OC90: variants seen among roughly 807,000 people sequenced by gnomAD.
The protein encoded by OC90 is otoconin 90.
Under a neutral mutation model 47.3 loss-of-function variants are expected in OC90, and 46 were observed. The observed-to-expected ratio is 0.97, with a 90% CI of 0.77 to 1.24. OC90 has a LOEUF of 1.24. Among genes scored for constraint, OC90 ranks in the 50% most tolerant of loss-of-function variants. OC90 has a pLI of 0.00. For missense variants in OC90, 688 were observed against 583.9 expected (o/e 1.18, Z -1.84); for synonymous variants, 271 against 219.5 (o/e 1.23, Z -2.07).
chr8:132,058,682 G>T (rs977083118), intron 1 of OC90, among the ~76,000 whole-genome samples: 50 of 152,168 alleles, frequency 3.3e-4, no homozygotes, highest in African/African-American at 1.2e-3. Context: ...GGTTAAATCT[G>T]ATGAGTCTTA....
At chr8:132,025,898 T>C (rs968079772) in intron 13 of OC90, among the ~76,000 whole-genome samples, 16 of 152,288 alleles carry the variant, frequency 1.1e-4, no homozygotes, top group African/African-American at 3.1e-4. Context: ...CCTTGAAAAA[T>C]ATTTCCCAAG....
intron 1 of OC90, among the ~76,000 whole-genome samples, chr8:132,055,590 G>C (rs10093129): frequency 0.13 from 19,103 of 152,214 alleles, 1,993 homozygotes; most frequent in African/African-American, 0.28. Context: ...ACCTTTCAAC[G>C]ATCACTTGAC....
intron 12 of OC90, 100 bp downstream of exon 12, chr8:132,031,781 C>T: frequency 9.8e-7 from 1 of 1,023,210 alleles, no homozygotes; most frequent in Non-Finnish European, 1.4e-6. Flanking sequence ...TTTAGTGAGG[C>T]CCAAGTTTCA....
At chr8:132,049,900 A>G in intron 2 of OC90, 1 of 500,842 alleles carries the variant, frequency 2.0e-6, no homozygotes, top group South Asian at 1.4e-5. Flanking sequence ...TGCCAATTCC[A>G]TTATTTTGAA....
intron 12 of OC90, among the ~76,000 whole-genome samples, chr8:132,031,649 C>G (rs1822876342): frequency 6.6e-6 from 1 of 152,200 alleles, no homozygotes; most frequent in Non-Finnish European, 1.5e-5. Flanking sequence ...ATCTTTCTGG[C>G]TCTGCCTTTT....
At position 132,039,677 on chromosome 8, in the gene OC90, C is replaced by T. The variant is rs148763267; in HGVS notation, c.458-554G>A. Among the ~76,000 whole-genome samples the T allele has an allele frequency of 1.1e-3, 160 of 152,274 alleles. No homozygotes were observed. In the Middle Eastern group the frequency reaches 0.024, roughly 23 times the overall value. On this transcript the variant is annotated intron_variant, in intron 6 of 13. Coordinates refer to ENST00000254627, the MANE Select transcript of OC90 (RefSeq NM_001080399.3). ...AGGCCACATCCTCTTCCACTCCCTC[C>T]TCATCAACCCATTTGTGTCTCACTG...
chr8:132,044,595 A>G (rs1823105019), intron 3 of OC90, 106 bp from the exon 4 acceptor site: 3 of 685,776 alleles, frequency 4.4e-6, no homozygotes, highest in Admixed American at 2.6e-5. Context: ...TCATTCTCCA[A>G]AGAAAAAATT....
chr8:132,024,397 G>C lies in OC90; in HGVS notation c.*84C>G. ...TTAAAGGAAGGGAAGAAGGCTCCAAGGGACAGAGGAGGCTGAGAGATAAAG... is the reference window on the plus strand; with the variant it reads ...TTAAAGGAAGGGAAGAAGGCTCCAACGGACAGAGGAGGCTGAGAGATAAAG... On this transcript the variant is annotated 3_prime_UTR_variant, in exon 14 of 14. Coordinates refer to ENST00000254627, the MANE Select transcript of OC90 (RefSeq NM_001080399.3). 8.8e-7 allele frequency: 1 copy of C among 1,136,106 alleles called. No homozygotes were observed. Among genetic ancestry groups the C allele is most frequent in the Non-Finnish European group, 1.2e-6 (1 of 809,990 alleles). 70.4% of individuals were successfully genotyped at this position (1,136,106 alleles called of 1,614,324 possible).
Position 132,041,052 on chromosome 8 carries a change from A to T in OC90, c.449T>A (p.Ile150Asn), listed in dbSNP as rs764223121. 1 of 1,585,940 alleles carries T rather than the reference A, an allele frequency of 6.3e-7. No homozygotes were observed. Among genetic ancestry groups the T allele is most frequent in the Admixed American group, 1.7e-5 (1 of 59,976 alleles). The change falls in exon 6 of 14, where the codon ATC becomes AAC. Residue 150 changes from isoleucine (I) to asparagine (N), a missense_variant. Physicochemically the swap from Ile to Asn is moderately radical, Grantham distance 149. Coordinates refer to ENST00000254627, the MANE Select transcript of OC90 (RefSeq NM_001080399.3). ...STEVNCVSKK[I>N]ICESKDNCEH... is the part of the protein sequence containing the mutation. ...CACCTGGAGATGCTTACCACATATG[A>T]TCTTCTTGCTGACACAATTGACCTC...
intron 13 of OC90, 24 bp downstream of exon 13, chr8:132,029,049 C>A (rs747293744): frequency 6.6e-7 from 1 of 1,523,580 alleles, no homozygotes; most frequent in South Asian, 1.1e-5. Flanking sequence ...AATAATAACT[C>A]AATGTGCAAC....
chr8:132,039,113 G>T lies in OC90; in HGVS notation c.468C>A (p.Asp156Glu), dbSNP rs770828690. The change falls in exon 7 of 14, where the codon GAC becomes GAA. Residue 156 changes from aspartate to glutamate, a missense_variant. Coordinates refer to ENST00000254627, the MANE Select transcript of OC90 (RefSeq NM_001080399.3). Reference protein sequence around the residue: ...VSKKIICESKDNCEHLLCTCD... With the variant: ...VSKKIICESKENCEHLLCTCD... Reference sequence around the variant, plus strand: ...AGGTACACAGCAGGTGCTCACAGTTGTCCTTGGACTCTGCACACAGCAAGA... The same window carrying T: ...AGGTACACAGCAGGTGCTCACAGTTTTCCTTGGACTCTGCACACAGCAAGA... The T allele has an allele frequency of 1.5e-5, 24 of 1,607,854 alleles. 1 individual carries two copies. The South Asian group carries it at 2.7e-4, about 18-fold the overall frequency.
chr8:132,052,333 C>T (rs57104158), intron 2 of OC90, among the ~76,000 whole-genome samples: 2,151 of 152,260 alleles, frequency 0.014, 53 homozygotes, highest in African/African-American at 0.05. Context: ...GGCATAATTG[C>T]CTTGGAAATT....
Position 132,041,706 on chromosome 8 carries a change from G to T in OC90, c.170-7C>A. ...AAGTGGGGGCCCAGGCAATCTGTGG[G>T]GGTGGGGGGCAGGGCCTGATAAGCA... is the stretch of plus-strand genomic sequence containing the variant. On this transcript the variant is annotated splice_polypyrimidine_tract_variant and splice_region_variant and intron_variant, in intron 4 of 13. Coordinates refer to ENST00000254627, the MANE Select transcript of OC90 (RefSeq NM_001080399.3). The T allele has an allele frequency of 6.6e-7, 1 of 1,522,444 alleles. No individual in the cohort carries two copies. Among genetic ancestry groups the T allele is most frequent in the South Asian group, 1.1e-5 (1 of 88,304 alleles). The allele number at this position is 1,522,444 out of a possible 1,614,324, so 94.3% of individuals were successfully genotyped here.
At chr8:132,045,977 G>T in intron 2 of OC90, 94 bp from the exon 3 acceptor site, 1 of 718,802 alleles carries the variant, frequency 1.4e-6, no homozygotes, top group South Asian at 1.6e-5. Flanking sequence ...GACAAACAAT[G>T]GGAATTCACA....
rs1020942404 is a variant in OC90, at chr8:132,031,889, G to A, written c.1023C>T (p.Asp341=). 31 of 1,613,792 alleles carry A rather than the reference G, an allele frequency of 1.9e-5. No homozygotes were observed. Among genetic ancestry groups the A allele is most frequent in the Non-Finnish European group, 2.5e-5 (30 of 1,179,788 alleles). Residue 341 remains aspartate, a synonymous_variant, in exon 12 of 14, where the codon GAC becomes GAT. Coordinates refer to ENST00000254627, the MANE Select transcript of OC90 (RefSeq NM_001080399.3). ...GQEGRGEPRD[D]LDRCCLSHHC... The stretch of plus-strand genomic sequence containing the variant: ...CCGCTGGCTCTCCATACCTGTCTAG[G>A]TCATCCCTTGGCTCGCCTCTTCCTT...
intron 1 of OC90, 25 bp from the exon 2 acceptor site, chr8:132,055,098 G>C (rs915447225): frequency 3.2e-6 from 4 of 1,263,382 alleles, no homozygotes; most frequent in Non-Finnish European, 3.3e-6. Flanking sequence ...AGCAGAATAG[G>C]ATGGAAGCAT....
At chr8:132,035,348 G>GC (rs1230981525) in intron 9 of OC90, among the ~76,000 whole-genome samples, 1 of 152,146 alleles carries the variant, frequency 6.6e-6, no homozygotes, top group Non-Finnish European at 1.5e-5. Context: ...ACTTACCACA[G>GC]CCCCTTGAGT....
intron 4 of OC90, among the ~76,000 whole-genome samples, chr8:132,042,181 G>T (rs1207940363): frequency 1.3e-5 from 2 of 152,134 alleles, no homozygotes; most frequent in Non-Finnish European, 2.9e-5. Context: ...GGATGTGCTA[G>T]CTGGAGCTGC....
intron 11 of OC90, 99 bp downstream of exon 11, chr8:132,032,940 A>G: frequency 7.5e-7 from 1 of 1,342,232 alleles, no homozygotes; most frequent in Non-Finnish European, 1.0e-6. Context: ...TCACACCCCC[A>G]TGAGAAGGTC....
Sources: allele counts gnomAD v4.1 joint callset (sites outside exome capture counted in the v4.1 genomes callset), GRCh38; gene constraint gnomAD v4.1.1; transcripts MANE v1.5; gene names NCBI Gene and HGNC (gene_info 2026-07-23, HGNC 2026-07-21).